The following SERHL2 variants were observed in gnomAD, a reference collection of about 807,000 sequenced individuals.
The protein encoded by SERHL2 is serine hydrolase like 2, also known as serine hydrolase-like protein 2.
A neutral mutation model predicts 25.5 loss-of-function variants in SERHL2; 29 were observed. The observed-to-expected ratio is 1.14, with a 90% CI of 0.85 to 1.55. The LOEUF (loss-of-function observed/expected upper bound fraction) is 1.55. Ranked by LOEUF, SERHL2 falls within the 40% of genes most tolerant of loss-of-function variation. The pLI, the probability that SERHL2 is intolerant of heterozygous loss-of-function variation, is 0.00. For synonymous variants in SERHL2, 95 were observed against 103.5 expected, an observed-to-expected ratio of 0.92 and a Z score of 0.50; for missense variants, 240 against 252.3, an observed-to-expected ratio of 0.95 and a Z score of 0.33.
chr22:42,570,151 G>C (rs1923966258), intron 9 of SERHL2: 1 of 152,258 alleles, frequency 6.6e-6, no homozygotes. Flanking sequence ...GCTGGGTGTG[G>C]TGGCTCACAC....
At position 42,565,330 on chromosome 22, in the gene SERHL2, T is replaced by G. The variant is rs1438510400; in HGVS notation, c.614-974T>G. 4 of 44,516 alleles carry G rather than the reference T, an allele frequency of 9.0e-5. No homozygotes were observed. The African/African-American group carries it at 2.1e-3, about 23-fold the overall frequency. The allele number at this position is 44,516 out of a possible 1,614,324, so 2.8% of individuals were successfully genotyped here. On this transcript the variant is annotated intron_variant, in intron 8 of 11. Transcript: ENST00000327678. The stretch of plus-strand genomic sequence containing the variant: ...GTCGCAGCCAGATCACCCTCACATC[T>G]TTTTTTTTTTTTTGAGACGGAGTCT...
chr22:42,570,626 C>T (rs925660120), intron 9 of SERHL2, among the ~76,000 whole-genome samples: 49 of 150,854 alleles, frequency 3.2e-4, no homozygotes, highest in African/African-American at 9.6e-4. Context: ...CTGGCAGGGC[C>T]GCGGAGGAGG....
chr22:42,570,016 G>C (rs1421393514), intron 9 of SERHL2: 3 of 152,060 alleles, frequency 2.0e-5, no homozygotes, highest in East Asian at 1.9e-4. Flanking sequence ...CTGAGAACTA[G>C]GGATAGAGAA....
At chr22:42,573,880 G>T in intron 11 of SERHL2, 56 bp from the exon 12 acceptor site, 6 of 1,567,046 alleles carry the variant, frequency 3.8e-6, no homozygotes, top group Non-Finnish European at 5.2e-6. Flanking sequence ...CGGGGCCCAT[G>T]GAGCTCCCTA....
In SERHL2 at chr22:42,560,217, G is replaced by C; in HGVS notation, c.565G>C (p.Glu189Gln). The C allele has an allele frequency of 6.2e-7, 1 of 1,613,112 alleles. No individual in the cohort carries two copies. ...LLKSNSHLSE[E>Q]CGELLLQRGT... Reference sequence around the variant, plus strand: ...GAAGAGCAATAGCCACTTGAGTGAGGAGTGCGGGGAGCTTCTCCTGCAAAG... The same window carrying C: ...GAAGAGCAATAGCCACTTGAGTGAGCAGTGCGGGGAGCTTCTCCTGCAAAG... The change falls in exon 8 of 12, where the codon GAG becomes CAG. Residue 189 changes from glutamate (E) to glutamine (Q), a missense_variant. This residue lies in a region of SERHL2 where 212 missense variants were observed against 168.9 expected (regional missense o/e 1.25). Coordinates refer to ENST00000327678, the MANE Select transcript of SERHL2 (RefSeq NM_014509.5).
chr22:42,559,640 A>C (rs969247392), intron 7 of SERHL2, among the ~76,000 whole-genome samples: 1 of 151,278 alleles, frequency 6.6e-6, no homozygotes, highest in African/African-American at 2.4e-5. Context: ...AATGGCATGA[A>C]CCCGGGAGGC....
intron 8 of SERHL2, among the ~76,000 whole-genome samples, chr22:42,562,824 T>C (rs2146695971): frequency 6.6e-6 from 1 of 152,040 alleles, no homozygotes; most frequent in East Asian, 1.9e-4. Flanking sequence ...CTGGAAACCA[T>C]CTTGAGGTGT....
chr22:42,565,431 T>C (rs1415981746), intron 8 of SERHL2: 1 of 151,708 alleles, frequency 6.6e-6, no homozygotes, highest in African/African-American at 2.4e-5. Context: ...GTTTAAGCGA[T>C]TCTCCTGCCT....
chr22:42,567,198 G>A (rs1341584302), intron 9 of SERHL2, among the ~76,000 whole-genome samples: 12 of 152,018 alleles, frequency 7.9e-5, no homozygotes, highest in African/African-American at 2.7e-4. Context: ...CAGGGAGACC[G>A]CTGAGAGCTG....
At chr22:42,562,144 G>A (rs991137584) in intron 8 of SERHL2, among the ~76,000 whole-genome samples, 1 of 151,662 alleles carries the variant, frequency 6.6e-6, no homozygotes, top group African/African-American at 2.4e-5. Flanking sequence ...GTGGCCTTTT[G>A]GGACCCAGCA....
intron 8 of SERHL2, among the ~76,000 whole-genome samples, 164 bp downstream of exon 8, chr22:42,560,429 C>T (rs1922546555): frequency 6.6e-6 from 1 of 151,990 alleles, no homozygotes; most frequent in African/African-American, 2.4e-5. Flanking sequence ...CAGGAGAAAC[C>T]AAGGCTCAGC....
At chr22:42,565,333 T>C (rs1923228360) in intron 8 of SERHL2, 2 of 151,316 alleles carry the variant, frequency 1.3e-5, no homozygotes, top group Non-Finnish European at 3.0e-5. Flanking sequence ...TCACATCTTT[T>C]TTTTTTTTTT....
intron 8 of SERHL2, among the ~76,000 whole-genome samples, chr22:42,560,737 T>C (rs1476518217): frequency 6.6e-6 from 1 of 151,902 alleles, no homozygotes; most frequent in Non-Finnish European, 1.5e-5. Flanking sequence ...TTTTTTTCTT[T>C]CGTTCTTTTT....
intron 7 of SERHL2, among the ~76,000 whole-genome samples, chr22:42,559,730 A>C (rs558834072): frequency 6.6e-6 from 1 of 151,828 alleles, no homozygotes; most frequent in Non-Finnish European, 1.5e-5. Context: ...CAAAGAAAAA[A>C]AAAGAAAAAA....
At position 42,571,197 on chromosome 22, in the gene SERHL2, T is replaced by TGATC. The variant is rs1205804350; in HGVS notation, c.726_729dup (p.Lys244AspfsTer9). 6.2e-7 allele frequency: 1 copy of TGATC among 1,613,200 alleles called. No individual in the cohort carries two copies. The highest frequency in any genetic ancestry group is 8.5e-7 in the Non-Finnish European group (1 of 1,179,600). ...AGGAAGCTGCAGGCCCATGTCCTGTTGATCAAGTAAGTCTGGACCCATCCC... is the reference window on the plus strand; with the variant it reads ...AGGAAGCTGCAGGCCCATGTCCTGTTGATCGATCAAGTAAGTCTGGACCCATCCC... On this transcript the variant is annotated frameshift_variant, in exon 10 of 12. Coordinates refer to ENST00000327678, the MANE Select transcript of SERHL2 (RefSeq NM_014509.5). LOFTEE classifies it high-confidence loss of function.
chr22:42,562,771 C>G lies in SERHL2; in HGVS notation c.613+2506C>G, dbSNP rs143145550. On this transcript the variant is annotated intron_variant, in intron 8 of 11. Coordinates refer to ENST00000327678, the MANE Select transcript of SERHL2 (RefSeq NM_014509.5). ...GGGGAGAGAGCAGCAGAGATGAGCT[C>G]TTTATCTTCTCATCTAAGTTTAAGC... Among the ~76,000 whole-genome samples, 52 of 151,980 alleles carry G rather than the reference C, an allele frequency of 3.4e-4. 2 individuals are homozygous for G. The East Asian group carries it at 8.5e-3, about 25-fold the overall frequency.
intron 5 of SERHL2, 144 bp from the exon 6 acceptor site, chr22:42,556,370 T>C (rs1270290340): frequency 2.2e-5 from 14 of 647,778 alleles, no homozygotes; most frequent in Non-Finnish European, 3.8e-5. Flanking sequence ...ACACCATAGA[T>C]AGAAGATTCT....
At chr22:42,563,645 A>G (rs1388722576) in intron 8 of SERHL2, among the ~76,000 whole-genome samples, 1 of 151,912 alleles carries the variant, frequency 6.6e-6, no homozygotes, top group East Asian at 1.9e-4. Context: ...AATCAAAAAC[A>G]TTTGGCATGG....
chr22:42,556,659 T>C lies in SERHL2; in HGVS notation c.423+71T>C, dbSNP rs1036949025. 1.5e-5 allele frequency: 19 copies of C among 1,283,508 alleles called. 1 individual carries two copies. In the African/African-American group the frequency reaches 2.0e-4, roughly 14 times the overall value. 79.5% of individuals were successfully genotyped at this position (1,283,508 alleles called of 1,614,324 possible). On this transcript the variant is annotated intron_variant, in intron 6 of 11. Transcript: ENST00000327678. The stretch of plus-strand genomic sequence containing the variant: ...GCCCCGGGCAGCGCTCCCAGCCCTG[T>C]CTCCTTTGGTGGACACTAGGGAAGC...
Sources: allele counts gnomAD v4.1 joint callset (sites outside exome capture counted in the v4.1 genomes callset), GRCh38; gene constraint gnomAD v4.1.1; regional missense constraint gnomAD v4.1.1; transcripts MANE v1.5; gene names NCBI Gene and HGNC (gene_info 2026-07-23, HGNC 2026-07-21).